Variants in LMTK2 observed in about 807,000 individuals in gnomAD.
LMTK2 encodes the protein lemur tail kinase 2, also known as serine/threonine-protein kinase LMTK2.
A neutral mutation model predicts 127.5 loss-of-function variants in LMTK2; 37 were observed. The observed-to-expected ratio is 0.29, with a 90% CI of 0.22 to 0.38. The LOEUF is 0.38. LMTK2 is among the 10% of genes least tolerant of loss of function. The pLI is 1.00. For synonymous variants in LMTK2, 819 were observed against 810.1 expected, an observed-to-expected ratio of 1.01 and a Z score of -0.19; for missense variants, 1,694 against 1,920.3, an observed-to-expected ratio of 0.88 and a Z score of 2.20.
Position 98,192,667 on chromosome 7 carries a change from C to T in LMTK2, c.2202C>T (p.Gly734=). Residue 734 remains glycine (G), a synonymous_variant, in exon 11 of 14, where the codon GGC becomes GGT. Coordinates refer to ENST00000297293, the MANE Select transcript of LMTK2 (RefSeq NM_014916.4). ...LFLQEKNLLK[G]SLSSKEHIND... ...TTCAAGAGAAAAACTTACTAAAAGG[C>T]TCATTGTCCAGCAAAGAACACATAA... is the stretch of plus-strand genomic sequence containing the variant. The T allele has an allele frequency of 6.2e-7, 1 of 1,610,532 alleles. No homozygotes were observed. The highest frequency in any genetic ancestry group is 8.5e-7 in the Non-Finnish European group (1 of 1,178,974).
chr7:98,154,206 G>C (rs1325691446), intron 4 of LMTK2, among the ~76,000 whole-genome samples: 2 of 152,190 alleles, frequency 1.3e-5, no homozygotes, highest in African/African-American at 2.4e-5. Context: ...GTGTTCTGCT[G>C]ATTTCAGTGG....
At chr7:98,198,458 G>C (rs901337196) in intron 11 of LMTK2, among the ~76,000 whole-genome samples, 1 of 152,044 alleles carries the variant, frequency 6.6e-6, no homozygotes, top group African/African-American at 2.4e-5. Flanking sequence ...CAGAGTGCTG[G>C]GATTACAGGC....
Position 98,194,427 on chromosome 7 carries a change from T to A in LMTK2, c.3962T>A (p.Ile1321Asn), listed in dbSNP as rs1797595295. The change falls in exon 11 of 14, where the codon ATC (isoleucine) becomes AAC (asparagine). Residue 1321 changes from isoleucine (I) to asparagine (N), a missense_variant. Physicochemically the swap from Ile to Asn is moderately radical, Grantham distance 149. Coordinates refer to ENST00000297293, the MANE Select transcript of LMTK2 (RefSeq NM_014916.4). The surrounding 1 kb of genome is among the most constrained non-coding windows in gnomAD (Gnocchi z 5.4). ...EDETEHPVPIILSNEDGRHLR... is the reference protein window; with the variant it reads ...EDETEHPVPINLSNEDGRHLR... Reference sequence around the variant, plus strand: ...GAGACCGAGCACCCCGTGCCCATCATCCTCAGCAACGAGGACGGAAGGCAC... The same window carrying A: ...GAGACCGAGCACCCCGTGCCCATCAACCTCAGCAACGAGGACGGAAGGCAC... The A allele has an allele frequency of 1.2e-6, 2 of 1,614,016 alleles. No homozygotes were observed. Among genetic ancestry groups the A allele is most frequent in the Non-Finnish European group, 1.7e-6 (2 of 1,180,004 alleles).
intron 1 of LMTK2, among the ~76,000 whole-genome samples, chr7:98,123,816 A>G (rs1196134247): frequency 6.6e-6 from 1 of 152,004 alleles, no homozygotes; most frequent in African/African-American, 2.4e-5. Flanking sequence ...AGCTTCTATC[A>G]GCAGATTGTT....
rs1797188214 is a variant in LMTK2 at position 98,171,391 on chromosome 7, T to C, written c.658-150T>C. On this transcript the variant is annotated intron_variant, in intron 6 of 13. Transcript: ENST00000297293. This position sits in a 1 kb window ranked among gnomAD's most constrained non-coding sequence, Gnocchi z 5.1. ...AAAAGCATAATAGTGTTCTATACTTTCGCAGTATTGGGTTGGAACTTCTTT... is the reference window on the plus strand; with the variant it reads ...AAAAGCATAATAGTGTTCTATACTTCCGCAGTATTGGGTTGGAACTTCTTT... 2 of 874,080 alleles carry C rather than the reference T, an allele frequency of 2.3e-6. No homozygotes were observed. The highest frequency in any genetic ancestry group is 3.7e-6 in the Non-Finnish European group (2 of 543,112). 54.1% of individuals were successfully genotyped at this position (874,080 alleles called of 1,614,324 possible).
At chr7:98,148,078 C>G (rs771216100) in intron 3 of LMTK2, among the ~76,000 whole-genome samples, 1 of 152,022 alleles carries the variant, frequency 6.6e-6, no homozygotes, top group Non-Finnish European at 1.5e-5. Context: ...TGCCTGTAGT[C>G]CCAGCTACTC....
chr7:98,171,712 A>C lies in LMTK2; in HGVS notation c.791+38A>C, dbSNP rs1797195753. The C allele has an allele frequency of 6.6e-7, 1 of 1,519,884 alleles. No individual in the cohort carries two copies. 94.1% of individuals were successfully genotyped at this position (1,519,884 alleles called of 1,614,324 possible). ...GTCAGCGGTGCACGCCCCACACAGC[A>C]CCGGCGGGACAGTCCAGAGAGGCTG... On this transcript the variant is annotated intron_variant, in intron 7 of 13. Transcript: ENST00000297293. The surrounding 1 kb of genome is among the most constrained non-coding windows in gnomAD (Gnocchi z 5.1).
intron 1 of LMTK2, among the ~76,000 whole-genome samples, chr7:98,130,524 A>C (rs990958254): frequency 6.6e-6 from 1 of 151,866 alleles, no homozygotes; most frequent in African/African-American, 2.4e-5. Flanking sequence ...ATACGTGGAA[A>C]CCCTAACCCC....
intron 2 of LMTK2, among the ~76,000 whole-genome samples, chr7:98,139,081 A>C (rs1689955833): frequency 6.6e-6 from 1 of 152,168 alleles, no homozygotes; most frequent in Non-Finnish European, 1.5e-5. Context: ...ATTCATCCAG[A>C]TAGCCAGCAG....
In LMTK2 at chr7:98,205,905, G is replaced by A. The variant is rs896944070; in HGVS notation, c.*413G>A. ...CGTGTGGGCACCACAGAGGACACGT[G>A]AGGGGAATGGTCACCAGTGAGCCAT... On this transcript the variant is annotated 3_prime_UTR_variant, in exon 14 of 14. Coordinates refer to ENST00000297293, the MANE Select transcript of LMTK2 (RefSeq NM_014916.4). The A allele has an allele frequency of 5.0e-6, 1 of 198,178 alleles. No homozygotes were observed. The highest frequency in any genetic ancestry group is 1.0e-5 in the Non-Finnish European group (1 of 96,656). 12.3% of individuals were successfully genotyped at this position (198,178 alleles called of 1,614,324 possible).
chr7:98,175,494 A>T (rs184129437), intron 7 of LMTK2, among the ~76,000 whole-genome samples: 44 of 152,338 alleles, frequency 2.9e-4, no homozygotes, highest in African/African-American at 9.6e-4. Flanking sequence ...AGGCAGTAGG[A>T]TGGCATGCCC....
In LMTK2 at chr7:98,206,297, T is replaced by C. The variant is rs1797796335; in HGVS notation, c.*805T>C. On this transcript the variant is annotated 3_prime_UTR_variant, in exon 14 of 14. Transcript: ENST00000297293. ...ACTTGAATGCATTTTTGTCTCTTCT[T>C]GATGAAGCGGCTTTGCCGCAGCAAA... is the stretch of plus-strand genomic sequence containing the variant. The C allele has an allele frequency of 6.6e-6, 1 of 152,284 alleles. No individual in the cohort carries two copies. The highest frequency in any genetic ancestry group is 2.4e-5 in the African/African-American group (1 of 41,474). 9.4% of individuals were successfully genotyped at this position (152,284 alleles called of 1,614,324 possible). A position where few individuals can be genotyped will look rare whatever the true frequency, so the allele number is the denominator to read the frequency against.
chr7:98,196,919 C>T (rs979742930), intron 11 of LMTK2, among the ~76,000 whole-genome samples: 1 of 152,214 alleles, frequency 6.6e-6, no homozygotes, highest in African/African-American at 2.4e-5. Flanking sequence ...TTTGCTTATG[C>T]GTCTCATGCA....
chr7:98,171,140 G>A lies in LMTK2; in HGVS notation c.658-401G>A, dbSNP rs1329034955. ...TTGGCAGTAACCACGGCGCCTTCGTGATGAAGCGCTCACTGCCCAGGGGCC... is the reference window on the plus strand; with the variant it reads ...TTGGCAGTAACCACGGCGCCTTCGTAATGAAGCGCTCACTGCCCAGGGGCC... On this transcript the variant is annotated intron_variant, in intron 6 of 13. Coordinates refer to ENST00000297293, the MANE Select transcript of LMTK2 (RefSeq NM_014916.4). This position sits in a 1 kb window ranked among gnomAD's most constrained non-coding sequence, Gnocchi z 5.1. Among the ~76,000 whole-genome samples, 2 of 152,234 alleles carry A rather than the reference G, an allele frequency of 1.3e-5. No homozygotes were observed. Among genetic ancestry groups the A allele is most frequent in the Middle Eastern group, 3.4e-3 (1 of 294 alleles).
rs536816121 is a variant in LMTK2 at position 98,107,349 on chromosome 7, G to A, written c.103+69G>A. 3.8e-5 allele frequency: 39 copies of A among 1,026,412 alleles called. No homozygotes were observed. The East Asian group carries it at 1.1e-3, about 28-fold the overall frequency. The allele number at this position is 1,026,412 out of a possible 1,614,324, so 63.6% of individuals were successfully genotyped here. On this transcript the variant is annotated intron_variant, in intron 1 of 13. Transcript: ENST00000297293. ...GTGGAGGGGAGGGGGCGGCAGGGCC[G>A]GGCCGGCCTCGGCGCCGAGGAATCG... is the stretch of plus-strand genomic sequence containing the variant.
chr7:98,116,715 A>G (rs1422512555), intron 1 of LMTK2, among the ~76,000 whole-genome samples: 1 of 152,198 alleles, frequency 6.6e-6, no homozygotes, highest in Non-Finnish European at 1.5e-5. Flanking sequence ...AACAAGTATT[A>G]ATATATTGCT....
intron 5 of LMTK2, among the ~76,000 whole-genome samples, chr7:98,156,845 G>T (rs777679878): frequency 1.3e-5 from 2 of 152,220 alleles, no homozygotes; most frequent in Non-Finnish European, 2.9e-5. Flanking sequence ...TCTGCTGGCA[G>T]AGTTCTTCCT....
intron 6 of LMTK2, among the ~76,000 whole-genome samples, chr7:98,164,918 A>G (rs1281385305): frequency 6.6e-6 from 1 of 152,268 alleles, no homozygotes; most frequent in Non-Finnish European, 1.5e-5. Context: ...TGAATGTTGT[A>G]TCCTGAGCTC....
At chr7:98,159,821 T>C (rs907988009) in intron 6 of LMTK2, among the ~76,000 whole-genome samples, 4 of 152,208 alleles carry the variant, frequency 2.6e-5, no homozygotes, top group Non-Finnish European at 4.4e-5. Context: ...TGAAACACTT[T>C]AACCCCCTGA....
Sources: gnomAD v4.1 joint callset for allele counts (sites outside exome capture counted in the v4.1 genomes callset) on GRCh38, gnomAD v4.1.1 for gene constraint, Gnocchi (gnomAD v3.1) non-coding constraint, MANE v1.5 for transcripts, NCBI Gene and HGNC (gene_info 2026-07-23, HGNC 2026-07-21) for gene names.